P3H1: variants seen among roughly 807,000 people sequenced by gnomAD.
The protein encoded by P3H1 is prolyl 3-hydroxylase 1, also known as growth suppressor 1.
In P3H1, 69 loss-of-function variants were observed where a neutral mutation model predicts 84.0. That is an observed-to-expected ratio of 0.82 (90% CI 0.68 to 1.00). The LOEUF (loss-of-function observed/expected upper bound fraction) is 1.00. Among genes scored for constraint, P3H1 ranks in the 50% least tolerant of loss-of-function variants. The pLI, the probability that P3H1 is intolerant of heterozygous loss-of-function variation, is 0.00. For synonymous variants in P3H1, 366 were observed against 388.8 expected, an observed-to-expected ratio of 0.94 and a Z score of 0.69; for missense variants, 878 against 962.8, an observed-to-expected ratio of 0.91 and a Z score of 1.17.
intron 1 of P3H1, among the ~76,000 whole-genome samples, chr1:42,763,613 A>G (rs1313730701): frequency 1.4e-5 from 2 of 146,046 alleles, no homozygotes; most frequent in East Asian, 4.2e-4. Flanking sequence ...CGGAGGTTAC[A>G]GCGAGCCGAG....
chr1:42,746,730 TGAGA>T lies in P3H1; in HGVS notation c.2174_2177del (p.Leu725GlnfsTer22), dbSNP rs1570452214. 3 of 1,552,200 alleles carry T rather than the reference TGAGA, an allele frequency of 1.9e-6. No homozygotes were observed. Among genetic ancestry groups the T allele is most frequent in the Non-Finnish European group, 8.7e-7 (1 of 1,147,228 alleles). On this transcript the variant is annotated frameshift_variant, in exon 15 of 15. Transcript: ENST00000296388. LOFTEE classifies it high-confidence loss of function. Reference sequence around the variant, plus strand: ...CATCCTTGGGCTTCGATTCACTGCCTGAGAGAGACTCTTGTGCAGGTTCGGGGGG... The same window carrying T: ...CATCCTTGGGCTTCGATTCACTGCCTGAGACTCTTGTGCAGGTTCGGGGGG...
At chr1:42,752,230 C>T (rs763147470) in intron 10 of P3H1, 44 bp downstream of exon 10, 5 of 1,520,506 alleles carry the variant, frequency 3.3e-6, no homozygotes, top group Non-Finnish European at 4.6e-6. Flanking sequence ...TCCCCCTTCC[C>T]CACCCCTTTC....
In P3H1 at chr1:42,749,945, C is replaced by T. The variant is rs534899129; in HGVS notation, c.1720+241G>A. 630 of 543,248 alleles carry T rather than the reference C, an allele frequency of 1.2e-3. 5 individuals carry two copies. Among genetic ancestry groups the T allele is most frequent in the African/African-American group, 0.011 (582 of 52,806 alleles). 33.7% of individuals were successfully genotyped at this position (543,248 alleles called of 1,614,324 possible). On this transcript the variant is annotated intron_variant, in intron 11 of 14. Coordinates refer to ENST00000296388, the MANE Select transcript of P3H1 (RefSeq NM_022356.4). ...GCGTTGTGTGACAAGTGACGGGTGG[C>T]CCCCTTTCTGGCTGCACCCCATTTC...
At chr1:42,757,994 C>T in intron 4 of P3H1, 72 bp from the exon 5 acceptor site, 2 of 1,394,046 alleles carry the variant, frequency 1.4e-6, no homozygotes, top group Non-Finnish European at 2.0e-6. Context: ...GCACCAGGGA[C>T]CACTTAGTGT....
chr1:42,755,401 C>G, intron 6 of P3H1, 147 bp downstream of exon 6: 1 of 934,970 alleles, frequency 1.1e-6, no homozygotes, highest in Middle Eastern at 2.1e-4. Context: ...TTTCATCTGT[C>G]TCTCATCCCT....
At chr1:42,750,962 G>A (rs1371263621) in intron 10 of P3H1, among the ~76,000 whole-genome samples, 9 of 118,712 alleles carry the variant, frequency 7.6e-5, no homozygotes, top group South Asian at 3.5e-4. Context: ...TCAGCCCCCC[G>A]CCCGGCCAGC....
In P3H1 at chr1:42,761,342, T is replaced by C. The variant is rs879550537; in HGVS notation, c.618+981A>G. On this transcript the variant is annotated intron_variant, in intron 2 of 14. Transcript: ENST00000296388. ...AATGTAAGGAACCATAAACTCTCTA[T>C]AAAATGCTATATCATCACAGACAGT... 4 of 152,194 alleles carry C rather than the reference T, an allele frequency of 2.6e-5. No homozygotes were observed. The East Asian group carries it at 7.7e-4, about 29-fold the overall frequency. 9.4% of individuals were successfully genotyped at this position (152,194 alleles called of 1,614,324 possible).
Position 42,747,328 on chromosome 1 carries a change from C to G in P3H1, c.1999G>C (p.Gly667Arg). 1 of 1,610,666 alleles carries G rather than the reference C, an allele frequency of 6.2e-7. No individual in the cohort carries two copies. The highest frequency in any genetic ancestry group is 8.5e-7 in the Non-Finnish European group (1 of 1,177,556). Reference protein sequence around the residue: ...NPHGVKAVTRGQRCAIALWFT... With the variant: ...NPHGVKAVTRRQRCAIALWFT... Reference sequence around the variant, plus strand: ...CACAGGGCGATGGCACAGCGCTGCCCCCTGGTGACAGCCTTCACTCCATGT... The same window carrying G: ...CACAGGGCGATGGCACAGCGCTGCCGCCTGGTGACAGCCTTCACTCCATGT... Residue 667 changes from glycine to arginine, a missense_variant, in exon 14 of 15, where the codon GGG (glycine) becomes CGG (arginine). Physicochemically the swap from Gly to Arg is moderately radical, Grantham distance 125. Coordinates refer to ENST00000296388, the MANE Select transcript of P3H1 (RefSeq NM_022356.4).
rs1412551633 is a variant in P3H1, at chr1:42,746,819, G to A, written c.2089C>T (p.Leu697Phe). The A allele has an allele frequency of 3.1e-6, 5 of 1,608,938 alleles. No individual in the cohort carries two copies. Among genetic ancestry groups the A allele is most frequent in the Non-Finnish European group, 4.2e-6 (5 of 1,177,706 alleles). Residue 697 changes from leucine to phenylalanine, a missense_variant, in exon 15 of 15, where the codon CTC becomes TTC. Physicochemically the swap from Leu to Phe is conservative, Grantham distance 22. Coordinates refer to ENST00000296388, the MANE Select transcript of P3H1 (RefSeq NM_022356.4). ...RVQADDLVKM[L>F]FSPEEMDLSQ... ...AGGTCCATCTCTTCTGGGCTGAAGAGCATCTTCACCAGGTCATCTGCCTGC... is the reference window on the plus strand; with the variant it reads ...AGGTCCATCTCTTCTGGGCTGAAGAACATCTTCACCAGGTCATCTGCCTGC...
intron 4 of P3H1, among the ~76,000 whole-genome samples, chr1:42,758,379 T>C (rs1011979914): frequency 1.2e-4 from 18 of 152,208 alleles, no homozygotes; most frequent in Non-Finnish European, 2.5e-4. Flanking sequence ...TATTTGTTAG[T>C]CATCTCAACT....
At chr1:42,747,015 CCCAAGGAGGGAA>C in intron 14 of P3H1, 163 bp from the exon 15 acceptor site, 1 of 1,614,092 alleles carries the variant, frequency 6.2e-7, no homozygotes, top group Non-Finnish European at 8.5e-7. Context: ...TGAAGTGGGG[CCCAAGGAGGGAA>C]CCAAGAACTC....
chr1:42,755,489 A>T, intron 6 of P3H1, 59 bp downstream of exon 6: 1 of 1,396,596 alleles, frequency 7.2e-7, no homozygotes, highest in Non-Finnish European at 1.0e-6. Flanking sequence ...CCTCCTCCCC[A>T]TTCATCTCTC....
rs1478177209 is a variant in P3H1, at chr1:42,759,248, C to T, written c.761G>A (p.Gly254Asp). ...AGCGTTGTACTCAAGGTAGTTGTAG[C>T]CATCGTAGTCATAGGGCCCTTCGCA... ...ALCEGPYDYD[G>D]YNYLEYNADL... Residue 254 changes from glycine to aspartate, a missense_variant, in exon 3 of 15, where the codon GGC (glycine) becomes GAC (aspartate). By Grantham distance (94) the Gly-to-Asp change is moderately conservative (BLOSUM62 -1). Coordinates refer to ENST00000296388, the MANE Select transcript of P3H1 (RefSeq NM_022356.4). 1.2e-6 allele frequency: 2 copies of T among 1,614,128 alleles called. No individual in the cohort carries two copies. Among genetic ancestry groups the T allele is most frequent in the Non-Finnish European group, 1.7e-6 (2 of 1,180,036 alleles).
rs1300382334 is a variant in P3H1, at chr1:42,750,656, G to C, written c.1570-320C>G. Among the ~76,000 whole-genome samples the C allele has an allele frequency of 1.3e-4, 16 of 122,800 alleles. 4 individuals are homozygous for C. Among genetic ancestry groups the C allele is most frequent in the South Asian group, 5.2e-4 (2 of 3,838 alleles). 80.6% of individuals were successfully genotyped at this position (122,800 alleles called of 152,430 possible). A position where few individuals can be genotyped will look rare whatever the true frequency, so the allele number is the denominator to read the frequency against. On this transcript the variant is annotated intron_variant, in intron 10 of 14. Transcript: ENST00000296388. ...CCCCGTCCGGGAGGGAGGCCGGGGGGGGTGGTCGGCCAGCCGCCCCGTCCG... is the reference window on the plus strand; with the variant it reads ...CCCCGTCCGGGAGGGAGGCCGGGGGCGGTGGTCGGCCAGCCGCCCCGTCCG...
rs370029292 is a variant in P3H1 at position 42,746,679 on chromosome 1, C to T, written c.*18G>A. Reference sequence around the variant, plus strand: ...CTCTCCATGGGTCTAGTCACCCATCCGTCTGACCTGGACGCTGTCATAGCT... The same window carrying T: ...CTCTCCATGGGTCTAGTCACCCATCTGTCTGACCTGGACGCTGTCATAGCT... On this transcript the variant is annotated 3_prime_UTR_variant, in exon 15 of 15. Transcript: ENST00000296388. 1.4e-4 allele frequency: 220 copies of T among 1,540,662 alleles called. No homozygotes were observed. Among genetic ancestry groups the T allele is most frequent in the African/African-American group, 1.1e-3 (79 of 72,908 alleles).
chr1:42,762,427 C>T lies in P3H1; in HGVS notation c.514G>A (p.Gly172Ser), dbSNP rs1192769278. The change falls in exon 2 of 15, where the codon GGC becomes AGC. Residue 172 changes from glycine to serine, a missense_variant. Transcript: ENST00000296388. ...TGCATTTCCATGTGCTCAGGATTGC[C>T]CACGAAGAAGGTGTGTGCTGCAGCA... The part of the protein sequence containing the change: ...AVAAAHTFFV[G>S]NPEHMEMQQN... 6.2e-7 allele frequency: 1 copy of T among 1,613,960 alleles called. No homozygotes were observed. Among genetic ancestry groups the T allele is most frequent in the Non-Finnish European group, 8.5e-7 (1 of 1,179,990 alleles).
intron 11 of P3H1, 77 bp downstream of exon 11, chr1:42,750,109 C>G: frequency 6.5e-7 from 1 of 1,531,776 alleles, no homozygotes; most frequent in Non-Finnish European, 8.9e-7. Context: ...ATCCTGTTCT[C>G]TCTGTGTCTT....
chr1:42,750,772 G>A (rs1652017159), intron 10 of P3H1, among the ~76,000 whole-genome samples: 1 of 147,122 alleles, frequency 6.8e-6, no homozygotes. Flanking sequence ...CTACTGGGAA[G>A]TGAGGACCCC....
At chr1:42,757,569 C>T (rs1652468953) in intron 5 of P3H1, among the ~76,000 whole-genome samples, 3 of 152,204 alleles carry the variant, frequency 2.0e-5, no homozygotes, top group Non-Finnish European at 4.4e-5. Context: ...CCAGATAACG[C>T]TAATTGAGGC....
Sources: gnomAD v4.1 joint callset for allele counts (sites outside exome capture counted in the v4.1 genomes callset) on GRCh38, gnomAD v4.1.1 for gene constraint, MANE v1.5 for transcripts, NCBI Gene and HGNC (gene_info 2026-07-23, HGNC 2026-07-21) for gene names.